The following SATB2 variants were observed in gnomAD, a reference collection of about 807,000 sequenced individuals.
The protein encoded by SATB2 is DNA-binding protein SATB2.
In SATB2, 1 loss-of-function variant was observed where a neutral mutation model predicts 73.4. That is an observed-to-expected ratio of 0.01 (90% CI 0.00 to 0.06). The LOEUF (loss-of-function observed/expected upper bound fraction) is 0.06. Among genes scored for constraint, SATB2 ranks in the 10% least tolerant of loss-of-function variants. The pLI, the probability that SATB2 is intolerant of heterozygous loss-of-function variation, is 1.00. For synonymous variants in SATB2, 397 were observed against 367.0 expected (o/e 1.08, Z -0.93); for missense variants, 459 against 945.8 (o/e 0.49, Z 6.75).
At chr2:199,433,598 TAA>T (rs1691568658) in intron 2 of SATB2, 84 bp from the exon 3 acceptor site, 1 of 1,230,130 alleles carries the variant, frequency 8.1e-7, no homozygotes, top group Admixed American at 1.7e-5. Context: ...GCAACAGTTA[TAA>T]AAGTCAGTCA....
At chr2:199,342,730 C>T (rs1029099198) in intron 7 of SATB2, among the ~76,000 whole-genome samples, 1 of 152,118 alleles carries the variant, frequency 6.6e-6, no homozygotes, top group Non-Finnish European at 1.5e-5. Context: ...AAAATATTGG[C>T]AAAAGGCTGT....
intron 2 of SATB2, among the ~76,000 whole-genome samples, chr2:199,451,205 T>G (rs115416640): frequency 0.013 from 1,998 of 151,920 alleles, 41 homozygotes; most frequent in African/African-American, 0.045. Flanking sequence ...CTTCCAAAAT[T>G]ACTTGAAACA....
At chr2:199,428,090 G>T (rs370440309) in intron 3 of SATB2, among the ~76,000 whole-genome samples, 155 of 152,172 alleles carry the variant, frequency 1.0e-3, no homozygotes, top group African/African-American at 3.6e-3. Flanking sequence ...CAAAACATTT[G>T]TAAGTTTGAT....
chr2:199,434,535 T>C (rs938543490), intron 2 of SATB2, among the ~76,000 whole-genome samples: 19 of 152,092 alleles, frequency 1.2e-4, no homozygotes, highest in African/African-American at 4.6e-4. Flanking sequence ...ATACAAGTAA[T>C]AAACATGGAC....
chr2:199,346,625 C>T (rs1016756455), intron 7 of SATB2, among the ~76,000 whole-genome samples: 9 of 152,154 alleles, frequency 5.9e-5, no homozygotes, highest in Middle Eastern at 3.2e-3. Context: ...ATTTAACTCA[C>T]GCAGTATTGC....
intron 6 of SATB2, among the ~76,000 whole-genome samples, chr2:199,359,278 C>T (rs1289178179): frequency 2.0e-5 from 3 of 152,148 alleles, no homozygotes; most frequent in Non-Finnish European, 4.4e-5. Flanking sequence ...GAGGAAAATA[C>T]TCAATAAACT....
upstream of SATB2, chr2:199,458,834 C>G (rs1692387170): frequency 3.1e-6 from 1 of 319,402 alleles, no homozygotes; most frequent in Admixed American, 4.3e-5. Flanking sequence ...CCCCTCCGCG[C>G]CGAGCCGAAC....
At chr2:199,335,820 C>T (rs914174304) in intron 7 of SATB2, among the ~76,000 whole-genome samples, 3 of 152,154 alleles carry the variant, frequency 2.0e-5, no homozygotes, top group African/African-American at 7.2e-5. Flanking sequence ...TTCAGGCACC[C>T]TAAGTCTGTA....
At chr2:199,331,915 G>T (rs780760456) in intron 7 of SATB2, among the ~76,000 whole-genome samples, 18 of 152,002 alleles carry the variant, frequency 1.2e-4, no homozygotes, top group Non-Finnish European at 2.4e-4. Context: ...TATTTCTAAA[G>T]CCCTTGCCAC....
At chr2:199,334,860 G>T (rs1003685163) in intron 7 of SATB2, among the ~76,000 whole-genome samples, 2 of 151,998 alleles carry the variant, frequency 1.3e-5, no homozygotes, top group Non-Finnish European at 2.9e-5. Flanking sequence ...CAACAAAATC[G>T]TTTCTCTCCT....
At chr2:199,299,397 T>C (rs1195110290) in intron 10 of SATB2, among the ~76,000 whole-genome samples, 2 of 152,174 alleles carry the variant, frequency 1.3e-5, no homozygotes, top group Admixed American at 6.5e-5. Flanking sequence ...ATCTCATCAC[T>C]GAGAGGCTTA....
At position 199,381,780 on chromosome 2, in the gene SATB2, A is replaced by G. The variant is rs1480733293; in HGVS notation, c.387T>C (p.Ser129=). The change falls in exon 4 of 11, where the codon AGT becomes AGC. Residue 129 remains serine (S), a synonymous_variant. Transcript: ENST00000417098. ...KLGRWNPLPL[S]YVTDAPDATV... The stretch of plus-strand genomic sequence containing the variant: ...TCGCGTCGGGTGCATCTGTCACATA[A>G]CTGAGGGGGAGAGGGTTCCACCTTC... The G allele has an allele frequency of 1.2e-6, 2 of 1,614,074 alleles. No individual in the cohort carries two copies. The highest frequency in any genetic ancestry group is 1.7e-6 in the Non-Finnish European group (2 of 1,179,940).
chr2:199,410,865 G>C (rs1408240188), intron 3 of SATB2, among the ~76,000 whole-genome samples: 1 of 151,924 alleles, frequency 6.6e-6, no homozygotes, highest in Non-Finnish European at 1.5e-5. Context: ...TTTATGGTCT[G>C]GTAAGACATT....
At chr2:199,381,130 A>G (rs1261826674) in intron 4 of SATB2, among the ~76,000 whole-genome samples, 1 of 152,204 alleles carries the variant, frequency 6.6e-6, no homozygotes, top group Non-Finnish European at 1.5e-5. Flanking sequence ...ATCTTGTTCC[A>G]GATGCCATAT....
intron 6 of SATB2, among the ~76,000 whole-genome samples, chr2:199,366,663 C>A (rs974548951): frequency 6.6e-6 from 1 of 151,742 alleles, no homozygotes; most frequent in African/African-American, 2.4e-5. Flanking sequence ...CACTTTTCAA[C>A]AGCAATGACT....
intron 3 of SATB2, among the ~76,000 whole-genome samples, chr2:199,394,091 A>G (rs1690229612): frequency 6.6e-6 from 1 of 152,218 alleles, no homozygotes; most frequent in African/African-American, 2.4e-5. Context: ...TTAATGAAAG[A>G]CAATAACACA....
Position 199,457,700 on chromosome 2 carries a change from C to G in SATB2, c.-421G>C, listed in dbSNP as rs1005203972. The G allele has an allele frequency of 4.5e-5, 7 of 155,208 alleles. No individual in the cohort carries two copies. Among genetic ancestry groups the G allele is most frequent in the African/African-American group, 1.7e-4 (7 of 41,474 alleles). The allele number at this position is 155,208 out of a possible 1,614,324, so 9.6% of individuals were successfully genotyped here. A position where few individuals can be genotyped will look rare whatever the true frequency, so the allele number is the denominator to read the frequency against. On this transcript the variant is annotated 5_prime_UTR_variant, in exon 1 of 11. Coordinates refer to ENST00000417098, the MANE Select transcript of SATB2 (RefSeq NM_001172509.2). The surrounding 1 kb of genome is among the most constrained non-coding windows in gnomAD (Gnocchi z 4.8). ...CACACCTTCGGGAAGGAGACCCGTT[C>G]TGGAGAGAAAGGGCTGAGAACCCGG...
At chr2:199,451,992 T>A (rs1463728849) in intron 2 of SATB2, among the ~76,000 whole-genome samples, 4 of 152,084 alleles carry the variant, frequency 2.6e-5, no homozygotes, top group African/African-American at 9.7e-5. Flanking sequence ...TTGTTATTTA[T>A]AAAACATAAA....
chr2:199,460,223 G>T (rs77903665), upstream of SATB2, among the ~76,000 whole-genome samples: 6,386 of 152,124 alleles, frequency 0.042, 459 homozygotes, highest in African/African-American at 0.15. This position sits in a 1 kb window ranked among gnomAD's most constrained non-coding sequence, Gnocchi z 4.0. Context: ...AGCAAAAATG[G>T]GTCTAGTAAA....
Sources: gnomAD v4.1 joint callset for allele counts (sites outside exome capture counted in the v4.1 genomes callset) on GRCh38, gnomAD v4.1.1 for gene constraint, Gnocchi (gnomAD v3.1) non-coding constraint, MANE v1.5 for transcripts, NCBI Gene and HGNC (gene_info 2026-07-23, HGNC 2026-07-21) for gene names.